Variants in PCMT1 observed in about 807,000 individuals in gnomAD.
The protein encoded by PCMT1 is protein-L-isoaspartate(D-aspartate) O-methyltransferase.
PCMT1 carries 9 observed loss-of-function variants against 29.2 expected under a neutral mutation model. That is an observed-to-expected ratio of 0.31 (90% confidence interval 0.19 to 0.54). PCMT1 has a LOEUF of 0.54. Ranked by LOEUF, PCMT1 falls within the 20% of genes least tolerant of loss-of-function variation. PCMT1 has a pLI of 0.95. For missense variants in PCMT1, 184 were observed against 282.2 expected (o/e 0.65, Z 2.49); for synonymous variants, 98 against 97.5 (o/e 1.00, Z -0.03).
At chr6:149,762,839 ATATC>A (rs1232120015) in intron 1 of PCMT1, among the ~76,000 whole-genome samples, 1 of 44,802 alleles carries the variant, frequency 2.2e-5, no homozygotes, top group African/African-American at 2.0e-4. Flanking sequence ...TATGATATAT[ATATC>A]TATGATATAT....
chr6:149,810,700 C>A lies in PCMT1; in HGVS notation c.*122C>A. The A allele has an allele frequency of 8.9e-7, 1 of 1,127,292 alleles. No homozygotes were observed. The highest frequency in any genetic ancestry group is 2.1e-5 in the Admixed American group (1 of 48,582). The allele number at this position is 1,127,292 out of a possible 1,614,324, so 69.8% of individuals were successfully genotyped here. A position where few individuals can be genotyped will look rare whatever the true frequency, so the allele number is the denominator to read the frequency against. Reference sequence around the variant, plus strand: ...CTCAGTCCTCAAAGCTTTTTGAAAACCAACACCATCACAGCTTGTTTTGGA... The same window carrying A: ...CTCAGTCCTCAAAGCTTTTTGAAAAACAACACCATCACAGCTTGTTTTGGA... On this transcript the variant is annotated 3_prime_UTR_variant, in exon 8 of 8. Coordinates refer to ENST00000464889, the MANE Select transcript of PCMT1 (RefSeq NM_001360452.2).
chr6:149,753,110 T>C (rs1398415509), intron 1 of PCMT1, among the ~76,000 whole-genome samples: 1 of 152,216 alleles, frequency 6.6e-6, no homozygotes, highest in Admixed American at 6.5e-5. Flanking sequence ...CTAATAGATT[T>C]CTTTTTATTA....
At chr6:149,760,888 T>G (rs538586331) in intron 1 of PCMT1, among the ~76,000 whole-genome samples, 1 of 152,202 alleles carries the variant, frequency 6.6e-6, no homozygotes, top group Admixed American at 6.5e-5. Context: ...TTCTGGAAGT[T>G]GTATCCATAA....
intron 7 of PCMT1, among the ~76,000 whole-genome samples, chr6:149,808,195 T>C (rs1776065229): frequency 6.6e-6 from 1 of 152,028 alleles, no homozygotes; most frequent in African/African-American, 2.4e-5. Flanking sequence ...AAATTATGTA[T>C]AATTATATAC....
intron 7 of PCMT1, among the ~76,000 whole-genome samples, chr6:149,803,297 A>G (rs547562806): frequency 2.0e-5 from 3 of 152,154 alleles, no homozygotes; most frequent in East Asian, 1.9e-4. Flanking sequence ...TCCCCATTCT[A>G]TAGAATAGGC....
At chr6:149,769,843 C>T (rs1436506879) in intron 1 of PCMT1, among the ~76,000 whole-genome samples, 1 of 143,426 alleles carries the variant, frequency 7.0e-6, no homozygotes, top group Non-Finnish European at 1.5e-5. Flanking sequence ...AGCTATCCTC[C>T]CTGTTGGCCT....
At chr6:149,790,150 T>C (rs1788296681) in intron 4 of PCMT1, 92 bp downstream of exon 4, 2 of 743,328 alleles carry the variant, frequency 2.7e-6, no homozygotes, top group Admixed American at 5.3e-5. Flanking sequence ...CATGTTTATT[T>C]GTTTGTTAAT....
At chr6:149,787,831 GTGTGTGTGTGTGTA>G (rs1381371550) in intron 3 of PCMT1, among the ~76,000 whole-genome samples, 1 of 151,870 alleles carries the variant, frequency 6.6e-6, no homozygotes, top group Admixed American at 6.6e-5. Context: ...CTCTGTGTGT[GTGTGTGTGTGTGTA>G]TGTGTGTGTA....
Position 149,801,452 on chromosome 6 carries a change from A to G in PCMT1, c.505-748A>G, listed in dbSNP as rs1012012411. The stretch of plus-strand genomic sequence containing the variant: ...TATTGATGCTCAACCTGTATATACT[A>G]TGTATTTATTTTTAAGACGGAGTCT... On this transcript the variant is annotated intron_variant, in intron 6 of 7. Transcript: ENST00000464889. Among the ~76,000 whole-genome samples the G allele has an allele frequency of 2.0e-5, 3 of 151,876 alleles. No homozygotes were observed. The East Asian group carries it at 5.8e-4, about 29-fold the overall frequency.
rs866789880 is a variant in PCMT1 at position 149,762,561 on chromosome 6, C to A, written c.56-8601C>A. On this transcript the variant is annotated intron_variant, in intron 1 of 7. Transcript: ENST00000464889. ...ATATATATCTATGATATATATATAT[C>A]TATGATATATATATCTATGATATAT... is the stretch of plus-strand genomic sequence containing the variant. Among the ~76,000 whole-genome samples the A allele has an allele frequency of 1.5e-4, 9 of 59,764 alleles. 3 individuals carry two copies. Among genetic ancestry groups the A allele is most frequent in the African/African-American group, 2.0e-4 (3 of 15,206 alleles). The allele number at this position is 59,764 out of a possible 152,430, so 39.2% of individuals were successfully genotyped here.
intron 3 of PCMT1, among the ~76,000 whole-genome samples, chr6:149,780,812 A>AC (rs1262821894): frequency 6.6e-6 from 1 of 152,192 alleles, no homozygotes; most frequent in Non-Finnish European, 1.5e-5. Flanking sequence ...GCTGCAGTGA[A>AC]CATTTGTGTA....
chr6:149,749,994 C>T, intron 1 of PCMT1, 38 bp downstream of exon 1: 2 of 1,586,536 alleles, frequency 1.3e-6, no homozygotes, highest in Non-Finnish European at 1.7e-6. Flanking sequence ...GCAGCTGGGG[C>T]AGGCTGGGCC....
intron 2 of PCMT1, chr6:149,771,915 G>C (rs1467125412): frequency 2.2e-6 from 1 of 451,742 alleles, no homozygotes; most frequent in African/African-American, 2.0e-5. Context: ...TTCAGGTTAG[G>C]ATTAATTTTT....
At chr6:149,804,466 T>C (rs542571794) in intron 7 of PCMT1, among the ~76,000 whole-genome samples, 108 of 152,252 alleles carry the variant, frequency 7.1e-4, no homozygotes, top group Non-Finnish European at 1.3e-3. Flanking sequence ...GCAGAGCCCT[T>C]GCTTGTCTAG....
intron 6 of PCMT1, among the ~76,000 whole-genome samples, chr6:149,798,839 A>T (rs1788714357): frequency 6.6e-6 from 1 of 152,236 alleles, no homozygotes; most frequent in Non-Finnish European, 1.5e-5. Context: ...TAGGTAAAAC[A>T]TGGGTCTGAA....
intron 4 of PCMT1, 64 bp from the exon 5 acceptor site, chr6:149,793,485 T>G: frequency 7.4e-7 from 1 of 1,349,146 alleles, no homozygotes; most frequent in Non-Finnish European, 9.6e-7. Flanking sequence ...AGGAAAAACT[T>G]CAATAATACT....
intron 7 of PCMT1, among the ~76,000 whole-genome samples, chr6:149,803,956 CTG>C (rs1392382754): frequency 6.6e-6 from 1 of 151,576 alleles, no homozygotes; most frequent in African/African-American, 2.4e-5. Context: ...TGGCTTGCAT[CTG>C]TAGTCCCAGG....
chr6:149,787,518 C>T (rs140163419), intron 3 of PCMT1, among the ~76,000 whole-genome samples: 3 of 151,852 alleles, frequency 2.0e-5, no homozygotes, highest in Non-Finnish European at 4.4e-5. Context: ...GCCGCCACCA[C>T]GCCCGGCTAA....
chr6:149,787,272 GAGAGGGAGACCGTGGGT>G lies in PCMT1; in HGVS notation c.193-2665_193-2649del, dbSNP rs1214348226. 7.8e-3 allele frequency among the ~76,000 whole-genome samples: 728 copies of G among 93,438 alleles called. 10 individuals are homozygous for G. Among genetic ancestry groups the G allele is most frequent in the African/African-American group, 0.02 (627 of 31,732 alleles). The allele number at this position is 93,438 out of a possible 152,430, so 61.3% of individuals were successfully genotyped here. On this transcript the variant is annotated intron_variant, in intron 3 of 7. Coordinates refer to ENST00000464889, the MANE Select transcript of PCMT1 (RefSeq NM_001360452.2). ...CGGCATCAGAGGGAGACCGTGGAAA[GAGAGGGAGACCGTGGGT>G]AGAGGGAGACCGTGGGGAGAGGGAG...
Sources: gnomAD v4.1 joint callset for allele counts (sites outside exome capture counted in the v4.1 genomes callset) on GRCh38, gnomAD v4.1.1 for gene constraint, MANE v1.5 for transcripts, NCBI Gene and HGNC (gene_info 2026-07-23, HGNC 2026-07-21) for gene names.